Variants in CRPPA observed in about 807,000 individuals in gnomAD.
CRPPA encodes CDP-L-ribitol pyrophosphorylase A, also known as D-ribitol-5-phosphate cytidylyltransferase.
Under a neutral mutation model 52.0 loss-of-function variants are expected in CRPPA, and 43 were observed. That is an observed-to-expected ratio of 0.83 (90% CI 0.65 to 1.07). The LOEUF (loss-of-function observed/expected upper bound fraction) is 1.07. Among genes scored for constraint, CRPPA ranks in the 50% least tolerant of loss-of-function variants. The probability of loss-of-function intolerance (pLI) is 0.00; values close to 1 mark genes in which losing one functional copy is unlikely to be tolerated. For missense variants in CRPPA, 629 were observed against 551.7 expected (o/e 1.14, Z -1.40); for synonymous variants, 250 against 203.5 (o/e 1.23, Z -1.94).
chr7:16,115,641 G>GA (rs1562511302), intron 9 of CRPPA, among the ~76,000 whole-genome samples: 1 of 152,128 alleles, frequency 6.6e-6, no homozygotes, highest in Non-Finnish European at 1.5e-5. Context: ...TGGAGAAATT[G>GA]CTCATTTCAA....
At chr7:16,404,062 AC>A (rs1787893146) in intron 2 of CRPPA, among the ~76,000 whole-genome samples, 1 of 152,170 alleles carries the variant, frequency 6.6e-6, no homozygotes, top group African/African-American at 2.4e-5. Context: ...ACCAGTTGTA[AC>A]ATCTGTCTGG....
Position 16,278,171 on chromosome 7 carries a change from A to G in CRPPA, c.891T>C (p.His297=). 6.3e-7 allele frequency: 1 copy of G among 1,580,272 alleles called. No individual in the cohort carries two copies. The highest frequency in any genetic ancestry group is 8.7e-7 in the Non-Finnish European group (1 of 1,155,626). ...VVMDTEEDNK[H]VGHLLEEVLK... ...GCACTTCTTCAAGAAGATGACCTAC[A>G]TGTTTGTTATCTTCTTCTGTATCCA... The change falls in exon 6 of 10, where the codon CAT becomes CAC. Residue 297 remains histidine (H), a synonymous_variant. Coordinates refer to ENST00000407010, the MANE Select transcript of CRPPA (RefSeq NM_001101426.4).
intron 9 of CRPPA, among the ~76,000 whole-genome samples, chr7:16,104,513 A>G (rs1470242984): frequency 2.0e-5 from 3 of 152,238 alleles, no homozygotes; most frequent in Non-Finnish European, 2.9e-5. Flanking sequence ...CAGGAAGACT[A>G]AAGAAGATGT....
intron 3 of CRPPA, among the ~76,000 whole-genome samples, chr7:16,373,947 G>A (rs551791381): frequency 6.6e-6 from 1 of 152,220 alleles, no homozygotes; most frequent in East Asian, 1.9e-4. Flanking sequence ...AGTGACCATG[G>A]ATCAGCTTGC....
intron 3 of CRPPA, among the ~76,000 whole-genome samples, chr7:16,364,813 C>A (rs951041281): frequency 1.3e-5 from 2 of 152,050 alleles, no homozygotes; most frequent in Non-Finnish European, 2.9e-5. Flanking sequence ...TTTTTATTAA[C>A]CATCAGCCAG....
chr7:16,114,063 G>T (rs552960285), intron 9 of CRPPA, among the ~76,000 whole-genome samples: 13 of 152,060 alleles, frequency 8.5e-5, no homozygotes, highest in African/African-American at 3.1e-4. Flanking sequence ...AATGCTCTAA[G>T]ATTCATAAAA....
At chr7:16,261,254 A>C (rs1291679240) in intron 6 of CRPPA, among the ~76,000 whole-genome samples, 2 of 152,132 alleles carry the variant, frequency 1.3e-5, no homozygotes, top group Non-Finnish European at 2.9e-5. Flanking sequence ...CAGGAAGTTT[A>C]ATTTCTAAAG....
At chr7:16,285,808 A>C (rs1226719102) in intron 5 of CRPPA, among the ~76,000 whole-genome samples, 1 of 151,210 alleles carries the variant, frequency 6.6e-6, no homozygotes, top group Non-Finnish European at 1.5e-5. Flanking sequence ...GGATCACCTG[A>C]GGTCAGGAGT....
At chr7:16,251,423 C>A (rs1195924587) in intron 8 of CRPPA, among the ~76,000 whole-genome samples, 1 of 152,116 alleles carries the variant, frequency 6.6e-6, no homozygotes, top group Non-Finnish European at 1.5e-5. Flanking sequence ...AGAGAATATA[C>A]CTTCCTCTCA....
intron 9 of CRPPA, among the ~76,000 whole-genome samples, chr7:16,112,465 T>C (rs1436440990): frequency 6.6e-6 from 1 of 152,192 alleles, no homozygotes; most frequent in Non-Finnish European, 1.5e-5. Context: ...AGAAGTCATA[T>C]TTAGAAGATA....
intron 5 of CRPPA, among the ~76,000 whole-genome samples, chr7:16,286,062 T>TTTAAAAAAA (rs1562608492): frequency 1.2e-4 from 4 of 32,362 alleles, no homozygotes; most frequent in Non-Finnish European, 1.6e-4. Flanking sequence ...TATATATATA[T>TTTAAAAAAA]ATATATATAT....
chr7:16,178,684 C>G (rs1781352168), intron 9 of CRPPA, among the ~76,000 whole-genome samples: 1 of 151,988 alleles, frequency 6.6e-6, no homozygotes, highest in Non-Finnish European at 1.5e-5. Flanking sequence ...ATCATTATAG[C>G]TACCTCAGGA....
At chr7:16,181,807 T>C (rs891277810) in intron 9 of CRPPA, among the ~76,000 whole-genome samples, 5 of 152,160 alleles carry the variant, frequency 3.3e-5, no homozygotes, top group African/African-American at 7.2e-5. Flanking sequence ...TTTGGTGATA[T>C]TATAAATACT....
At chr7:16,400,478 G>C (rs1192493341) in intron 2 of CRPPA, among the ~76,000 whole-genome samples, 3 of 152,168 alleles carry the variant, frequency 2.0e-5, no homozygotes, top group African/African-American at 4.8e-5. Context: ...ACACCTGATT[G>C]ACCCATGACC....
intron 9 of CRPPA, among the ~76,000 whole-genome samples, chr7:16,199,089 C>G (rs1197420855): frequency 6.6e-6 from 1 of 152,182 alleles, no homozygotes; most frequent in Non-Finnish European, 1.5e-5. Flanking sequence ...GAGTGCTGCT[C>G]TCTCCCAGAC....
At chr7:16,159,839 T>A (rs188932503) in intron 9 of CRPPA, among the ~76,000 whole-genome samples, 2 of 152,284 alleles carry the variant, frequency 1.3e-5, no homozygotes, top group East Asian at 3.9e-4. Context: ...TGTAAAAGTG[T>A]TCCTATTTCT....
At chr7:16,216,451 G>A (rs949587122) in intron 8 of CRPPA, 5 of 338,394 alleles carry the variant, frequency 1.5e-5, no homozygotes, top group South Asian at 9.5e-5. Context: ...AGATGGCCGA[G>A]TAGGAACAGC....
intron 9 of CRPPA, among the ~76,000 whole-genome samples, chr7:16,144,007 C>CTA (rs1386949789): frequency 2.0e-5 from 3 of 152,136 alleles, no homozygotes; most frequent in Admixed American, 2.0e-4. Context: ...TGACAGGTAT[C>CTA]TACAGACCAA....
In CRPPA at chr7:16,360,462, AT is replaced by A. The variant is rs1786415291; in HGVS notation, c.684+15629del. Among the ~76,000 whole-genome samples, 7 of 152,312 alleles carry A rather than the reference AT, an allele frequency of 4.6e-5. No homozygotes were observed. In the South Asian group the frequency reaches 1.5e-3, roughly 32 times the overall value. On this transcript the variant is annotated intron_variant, in intron 3 of 9. Transcript: ENST00000407010. ...GAGGTCTTATACTTCCTCATTTCAA[AT>A]GTTACTATAAAATCACACTAATCGA...
Sources: gnomAD v4.1 joint callset for allele counts (sites outside exome capture counted in the v4.1 genomes callset) on GRCh38, gnomAD v4.1.1 for gene constraint, MANE v1.5 for transcripts, NCBI Gene and HGNC (gene_info 2026-07-23, HGNC 2026-07-21) for gene names.